The following GLRA2 variants were observed in gnomAD, a reference collection of about 807,000 sequenced individuals.
GLRA2 encodes the protein glycine receptor subunit alpha-2.
Under a neutral mutation model 31.6 loss-of-function variants are expected in GLRA2, and 11 were observed. The ratio of observed to expected loss-of-function variants is 0.35; its 90% CI spans 0.22 to 0.58. The LOEUF is 0.58. Among genes scored for constraint, GLRA2 ranks in the 20% least tolerant of loss-of-function variants. The pLI, the probability that GLRA2 is intolerant of heterozygous loss-of-function variation, is 0.84. For missense variants in GLRA2, 212 were observed against 351.8 expected (o/e 0.60, Z 3.18); for synonymous variants, 132 against 134.0 (o/e 0.99, Z 0.10).
At chrX:14,526,554 T>C (rs1179493274), upstream of GLRA2, among the ~76,000 whole-genome samples, 4 of 110,821 alleles carry the variant, frequency 3.6e-5, no homozygotes. Context: ...AGTGAGAAGA[T>C]TTAGGAGAAA....
intron 1 of GLRA2, among the ~76,000 whole-genome samples, chrX:14,531,830 A>G (rs1393066910): frequency 9.0e-6 from 1 of 111,480 alleles, no homozygotes; most frequent in Non-Finnish European, 1.9e-5. Context: ...TAGATGACTT[A>G]TATTTAGGGC....
chrX:14,532,591 A>G (rs1270376929), intron 2 of GLRA2, among the ~76,000 whole-genome samples: 1 of 111,914 alleles, frequency 8.9e-6, no homozygotes, highest in East Asian at 2.8e-4. Flanking sequence ...CTATTTCACA[A>G]ATAAAACTAG....
chrX:14,483,839 C>T, the GLRA2 span, among the ~76,000 whole-genome samples: 1 of 111,502 alleles, frequency 9.0e-6, no homozygotes, highest in African/African-American at 3.3e-5. Context: ...AAGGCAGACC[C>T]ACCTTTAATC....
chrX:14,597,032 C>T (rs1341299867), intron 4 of GLRA2, among the ~76,000 whole-genome samples: 3 of 111,700 alleles, frequency 2.7e-5, no homozygotes, highest in Non-Finnish European at 3.8e-5. Context: ...GCACTTTTAA[C>T]TTGACTTCTA....
chrX:14,648,553 T>C (rs2090856444), intron 7 of GLRA2, among the ~76,000 whole-genome samples: 1 of 111,275 alleles, frequency 9.0e-6, no homozygotes, highest in Admixed American at 9.5e-5. Context: ...TTTAAGAAAA[T>C]GCAAAAGCAA....
At chrX:14,484,727 A>G in the GLRA2 span, among the ~76,000 whole-genome samples, 1 of 111,783 alleles carries the variant, frequency 8.9e-6, no homozygotes, top group African/African-American at 3.3e-5. Context: ...GTATAGAGGG[A>G]CACTATGTCA....
At chrX:14,557,317 A>G (rs958693510) in intron 2 of GLRA2, among the ~76,000 whole-genome samples, 12 of 109,075 alleles carry the variant, frequency 1.1e-4, no homozygotes, top group Admixed American at 6.8e-4. Context: ...GGGTTTCACC[A>G]TGTTAGCCAG....
chrX:14,567,368 C>G (rs886656978), intron 2 of GLRA2, among the ~76,000 whole-genome samples: 2 of 111,823 alleles, frequency 1.8e-5, no homozygotes, highest in African/African-American at 6.5e-5. Context: ...TCAACTGATG[C>G]AGAAAAGGCA....
intron 2 of GLRA2, among the ~76,000 whole-genome samples, chrX:14,544,408 G>T (rs1433510835): frequency 4.6e-5 from 5 of 108,029 alleles, no homozygotes; most frequent in Non-Finnish European, 9.8e-5. Context: ...TTTTCTTTTG[G>T]ATTGCTATCT....
At chrX:14,548,480 T>C (rs892944769) in intron 2 of GLRA2, among the ~76,000 whole-genome samples, 4 of 111,779 alleles carry the variant, frequency 3.6e-5, no homozygotes, top group Non-Finnish European at 5.7e-5. Context: ...ACGCATTTAT[T>C]ATGCATAGGA....
At chrX:14,646,971 CA>C (rs934643402) in intron 7 of GLRA2, among the ~76,000 whole-genome samples, 2 of 112,000 alleles carry the variant, frequency 1.8e-5, no homozygotes, top group African/African-American at 6.5e-5. Context: ...TTTACAACTG[CA>C]AAACCTGATT....
At position 14,597,739 on chromosome X, in the gene GLRA2, T is replaced by C. The variant is rs3027376; in HGVS notation, c.495-6576T>C. ...ATTTTCCTAAGGAGGAAATGTGAAATGTGATAGAGTGGGAAATAATAAAGG... is the reference window on the plus strand; with the variant it reads ...ATTTTCCTAAGGAGGAAATGTGAAACGTGATAGAGTGGGAAATAATAAAGG... On this transcript the variant is annotated intron_variant, in intron 4 of 8. Coordinates refer to ENST00000218075, the MANE Select transcript of GLRA2 (RefSeq NM_002063.4). 6.9e-3 allele frequency among the ~76,000 whole-genome samples: 765 copies of C among 111,672 alleles called. 2 individuals carry two copies. The Middle Eastern group carries it at 0.078, about 11-fold the overall frequency.
At chrX:14,522,554 A>G in the GLRA2 span, among the ~76,000 whole-genome samples, 2 of 112,272 alleles carry the variant, frequency 1.8e-5, no homozygotes, top group East Asian at 5.6e-4. Context: ...TCCCAGCTCC[A>G]TTAGAGGAAT....
intron 7 of GLRA2, among the ~76,000 whole-genome samples, chrX:14,656,168 ACTT>A (rs1163868149): frequency 8.9e-6 from 1 of 111,914 alleles, no homozygotes; most frequent in Non-Finnish European, 1.9e-5. Flanking sequence ...CACATGGAGA[ACTT>A]CTAAAAAAAT....
chrX:14,693,551 T>G (rs1461760423), intron 8 of GLRA2, among the ~76,000 whole-genome samples: 4 of 111,526 alleles, frequency 3.6e-5, no homozygotes, highest in African/African-American at 1.3e-4. Context: ...TCTCAGCAAC[T>G]GATAGAAAAA....
At chrX:14,528,617 C>A (rs1601679933), upstream of GLRA2, among the ~76,000 whole-genome samples, 2 of 111,986 alleles carry the variant, frequency 1.8e-5, no homozygotes, top group South Asian at 7.4e-4. Flanking sequence ...GACTTTTGTA[C>A]AGATTTATGA....
At chrX:14,557,367 G>A (rs1476790395) in intron 2 of GLRA2, among the ~76,000 whole-genome samples, 2 of 110,305 alleles carry the variant, frequency 1.8e-5, no homozygotes, top group Admixed American at 9.6e-5. Context: ...CGCCCGCCTC[G>A]GCCTCCCAAA....
chrX:14,720,959 C>T (rs1026072811), intron 8 of GLRA2, among the ~76,000 whole-genome samples: 3 of 108,894 alleles, frequency 2.8e-5, no homozygotes, highest in African/African-American at 1.0e-4. Context: ...TAGTGAGACC[C>T]CCACCTCTAC....
At chrX:14,608,615 AC>A (rs1433671573) in intron 6 of GLRA2, among the ~76,000 whole-genome samples, 1 of 110,183 alleles carries the variant, frequency 9.1e-6, no homozygotes, top group Non-Finnish European at 1.9e-5. Context: ...ACATATTATA[AC>A]CCCCCAAAAT....
Sources: gnomAD v4.1 joint callset for allele counts (sites outside exome capture counted in the v4.1 genomes callset) on GRCh38, gnomAD v4.1.1 for gene constraint, MANE v1.5 for transcripts, NCBI Gene and HGNC (gene_info 2026-07-23, HGNC 2026-07-21) for gene names.